TJP3: variants seen among roughly 807,000 people sequenced by gnomAD.
The protein encoded by TJP3 is tight junction protein ZO-3.
Under a neutral mutation model 104.2 loss-of-function variants are expected in TJP3, and 85 were observed. The observed-to-expected ratio is 0.82, with a 90% confidence interval of 0.68 to 0.98. The LOEUF (loss-of-function observed/expected upper bound fraction) is 0.98, where lower values mean the gene tolerates loss of function less well. TJP3 is among the 50% of genes least tolerant of loss of function. The pLI is 0.00. For synonymous variants in TJP3, 550 were observed against 550.6 expected (o/e 1.00, Z 0.02); for missense variants, 1,367 against 1,322.8 (o/e 1.03, Z -0.52).
At chr19:3,714,949 G>T (rs1452602811) in intron 1 of TJP3, among the ~76,000 whole-genome samples, 1 of 152,248 alleles carries the variant, frequency 6.6e-6, no homozygotes, top group Non-Finnish European at 1.5e-5. Context: ...GTGACTGAAT[G>T]CACAGAAGAA....
chr19:3,740,548 C>A lies in TJP3; in HGVS notation c.1632-4C>A. The stretch of plus-strand genomic sequence containing the variant: ...TGCTCAGTACTGTCCCCTCTTCTCC[C>A]CAGGGCGGAGCAGCTGGCCAGCCTG... On this transcript the variant is annotated splice_region_variant and splice_polypyrimidine_tract_variant and intron_variant, in intron 13 of 20. Coordinates refer to ENST00000541714, the MANE Select transcript of TJP3 (RefSeq NM_001267560.2). The A allele has an allele frequency of 6.8e-7, 1 of 1,461,540 alleles. No individual in the cohort carries two copies. Among genetic ancestry groups the A allele is most frequent in the Non-Finnish European group, 9.0e-7 (1 of 1,107,008 alleles). The allele number at this position is 1,461,540 out of a possible 1,614,324, so 90.5% of individuals were successfully genotyped here.
intron 5 of TJP3, among the ~76,000 whole-genome samples, chr19:3,731,004 T>C (rs189493532): frequency 7.8e-4 from 119 of 152,288 alleles, no homozygotes; most frequent in African/African-American, 2.8e-3. Flanking sequence ...CAACTACACC[T>C]GGCATCTTCT....
Position 3,746,232 on chromosome 19 carries a change from C to T in TJP3, c.2010+151C>T. ...TTTGGAGGCTTTGTGAGGCAGGAGGCCCGAGACAGACAAGGGCTTCTCGGA... is the reference window on the plus strand; with the variant it reads ...TTTGGAGGCTTTGTGAGGCAGGAGGTCCGAGACAGACAAGGGCTTCTCGGA... On this transcript the variant is annotated intron_variant, in intron 16 of 20. Coordinates refer to ENST00000541714, the MANE Select transcript of TJP3 (RefSeq NM_001267560.2). The surrounding 1 kb of genome is among the most constrained non-coding windows in gnomAD (Gnocchi z 4.1). 1.1e-6 allele frequency: 1 copy of T among 877,788 alleles called. No homozygotes were observed. The allele number at this position is 877,788 out of a possible 1,614,324, so 54.4% of individuals were successfully genotyped here. A position where few individuals can be genotyped will look rare whatever the true frequency, so the allele number is the denominator to read the frequency against.
At chr19:3,722,856 C>CGGGGG (rs57421122) in intron 1 of TJP3, among the ~76,000 whole-genome samples, 23 of 11,260 alleles carry the variant, frequency 2.0e-3, no homozygotes, top group South Asian at 0.012. Flanking sequence ...GATGGGGTGG[C>CGGGGG]GGGGGGGGGG....
chr19:3,740,717 C>G lies in TJP3; in HGVS notation c.1797C>G (p.Thr599=). ...QRSREDLSAL[T]RQGRYPPYER... is the part of the protein sequence containing the mutation. ...GCCGTGAGGACCTCTCAGCTCTGAC[C>G]CGACAGGGCCGCTACCCGCCCTACG... The change falls in exon 14 of 21, where the codon ACC becomes ACG. Residue 599 remains threonine (T), a synonymous_variant. Coordinates refer to ENST00000541714, the MANE Select transcript of TJP3 (RefSeq NM_001267560.2). 1 of 1,601,020 alleles carries G rather than the reference C, an allele frequency of 6.2e-7. No individual in the cohort carries two copies. Among genetic ancestry groups the G allele is most frequent in the South Asian group, 1.1e-5 (1 of 90,108 alleles).
chr19:3,722,443 C>A (rs991176696), intron 1 of TJP3, among the ~76,000 whole-genome samples: 1 of 151,988 alleles, frequency 6.6e-6, no homozygotes. Flanking sequence ...CTTTGGTGAA[C>A]ATTCACCTCC....
intron 1 of TJP3, among the ~76,000 whole-genome samples, chr19:3,717,408 T>TAA (rs2036489914): frequency 1.4e-5 from 1 of 70,562 alleles, no homozygotes. Flanking sequence ...CCATAGCTTA[T>TAA]ATATATATAT....
chr19:3,748,051 T>C lies in TJP3; in HGVS notation c.2580T>C (p.Arg860=). 2 of 1,585,880 alleles carry C rather than the reference T, an allele frequency of 1.3e-6. No homozygotes were observed. The highest frequency in any genetic ancestry group is 1.7e-6 in the Non-Finnish European group (2 of 1,166,318). Residue 860 remains arginine, a synonymous_variant, in exon 19 of 21, where the codon CGT becomes CGC. Coordinates refer to ENST00000541714, the MANE Select transcript of TJP3 (RefSeq NM_001267560.2). ...QADESQSPRD[R]GRISAHQGAQ... The stretch of plus-strand genomic sequence containing the variant: ...ATGAGTCCCAGAGCCCGAGGGATCG[T>C]GGGAGAATCTCGGCTCATCAGGGGG...
At chr19:3,742,176 G>A (rs2036830738) in intron 14 of TJP3, among the ~76,000 whole-genome samples, 1 of 152,142 alleles carries the variant, frequency 6.6e-6, no homozygotes, top group South Asian at 2.1e-4. Flanking sequence ...GCTCACGCTT[G>A]TAATCCCAGC....
chr19:3,743,412 C>T (rs2036848140), intron 14 of TJP3, among the ~76,000 whole-genome samples: 2 of 152,302 alleles, frequency 1.3e-5, no homozygotes, highest in South Asian at 4.1e-4. Flanking sequence ...GGCCAGGTGT[C>T]AACATACTTT....
At position 3,740,755 on chromosome 19, in the gene TJP3, T is replaced by C; in HGVS notation, c.1835T>C (p.Leu612Ser). 1 of 1,574,310 alleles carries C rather than the reference T, an allele frequency of 6.4e-7. No individual in the cohort carries two copies. Among genetic ancestry groups the C allele is most frequent in the Non-Finnish European group, 8.6e-7 (1 of 1,161,208 alleles). ...GRYPPYERVV[L>S]REASFKRPVV... ...TACCCGCCCTACGAACGAGTGGTGTTGCGAGAAGGTGGGGCCCGGAGCTGG... is the reference window on the plus strand; with the variant it reads ...TACCCGCCCTACGAACGAGTGGTGTCGCGAGAAGGTGGGGCCCGGAGCTGG... The change falls in exon 14 of 21, where the codon TTG (leucine) becomes TCG (serine). Residue 612 changes from leucine (L) to serine (S), a missense_variant. Leu to Ser is a moderately radical substitution (Grantham distance 145). Transcript: ENST00000541714.
chr19:3,720,682 A>C (rs921052346), intron 1 of TJP3, among the ~76,000 whole-genome samples: 2 of 151,510 alleles, frequency 1.3e-5, no homozygotes, highest in Non-Finnish European at 2.9e-5. Flanking sequence ...CACCCAGGTG[A>C]CTTGAAGGTT....
In TJP3 at chr19:3,730,550, C is replaced by T. The variant is rs376406493; in HGVS notation, c.457C>T (p.Arg153Cys). The change falls in exon 5 of 21, where the codon CGC (arginine) becomes TGC (cysteine). Residue 153 changes from arginine (R) to cysteine (C), a missense_variant. Transcript: ENST00000541714. The surrounding 1 kb of genome is among the most constrained non-coding windows in gnomAD (Gnocchi z 7.3). ...DERSRRPRPG[R>C]RGRAGSHGRR... ...GCGCTCCCGCCGGCCGAGGCCTGGT[C>T]GCCGGGGCCGGGCCGGCAGCCATGG... 9.4e-6 allele frequency: 15 copies of T among 1,602,984 alleles called. No individual in the cohort carries two copies. Among genetic ancestry groups the T allele is most frequent in the Admixed American group, 3.4e-5 (2 of 59,582 alleles).
At chr19:3,715,755 C>T (rs2036471423) in intron 1 of TJP3, among the ~76,000 whole-genome samples, 1 of 152,070 alleles carries the variant, frequency 6.6e-6, no homozygotes, top group South Asian at 2.1e-4. Flanking sequence ...GAGAACCTTC[C>T]AGGTTTATTT....
intron 6 of TJP3, among the ~76,000 whole-genome samples, chr19:3,732,320 C>T (rs2036682460): frequency 6.6e-6 from 1 of 152,082 alleles, no homozygotes. Flanking sequence ...ATGTGGGCAG[C>T]TGACTCCTGG....
intron 1 of TJP3, among the ~76,000 whole-genome samples, chr19:3,717,144 T>C (rs988544599): frequency 1.4e-5 from 2 of 146,426 alleles, no homozygotes; most frequent in Admixed American, 1.4e-4. Context: ...TTTGTATTTT[T>C]AGTAGAGACG....
chr19:3,732,482 T>A (rs540996608), intron 6 of TJP3, among the ~76,000 whole-genome samples: 3 of 152,100 alleles, frequency 2.0e-5, no homozygotes, highest in South Asian at 2.1e-4. Context: ...TTCAGCTGAT[T>A]ATTTCCAGTG....
chr19:3,749,117 G>A (rs925662258), intron 19 of TJP3, among the ~76,000 whole-genome samples: 6 of 150,602 alleles, frequency 4.0e-5, no homozygotes, highest in East Asian at 4.0e-4. Flanking sequence ...GGTGATCCAC[G>A]TCGGCCTCTC....
intron 14 of TJP3, among the ~76,000 whole-genome samples, chr19:3,741,459 C>CTTAA (rs1329988633): frequency 6.6e-6 from 1 of 151,710 alleles, no homozygotes; most frequent in Non-Finnish European, 1.5e-5. Context: ...AATCCCATCT[C>CTTAA]TACTAAAAGT....
Sources: gnomAD v4.1 joint callset for allele counts (sites outside exome capture counted in the v4.1 genomes callset) on GRCh38, gnomAD v4.1.1 for gene constraint, Gnocchi (gnomAD v3.1) non-coding constraint, MANE v1.5 for transcripts, NCBI Gene and HGNC (gene_info 2026-07-23, HGNC 2026-07-21) for gene names.